PBRM1: variants seen among roughly 807,000 people sequenced by gnomAD.
PBRM1 encodes polybromo 1, also known as protein polybromo-1.
In PBRM1, 27 loss-of-function variants were observed where a neutral mutation model predicts 194.5. The observed-to-expected ratio is 0.14, with a 90% CI of 0.10 to 0.19. The LOEUF is 0.19. Among genes scored for constraint, PBRM1 ranks in the 10% least tolerant of loss-of-function variants. The probability of loss-of-function intolerance (pLI) is 1.00; values close to 1 mark genes in which losing one functional copy is unlikely to be tolerated. For synonymous variants in PBRM1, 655 were observed against 693.2 expected, an observed-to-expected ratio of 0.94 and a Z score of 0.87; for missense variants, 1,466 against 2,077.2, an observed-to-expected ratio of 0.71 and a Z score of 5.72.
At chr3:52,670,803 G>C (rs1005079081) in intron 2 of PBRM1, among the ~76,000 whole-genome samples, 2 of 152,334 alleles carry the variant, frequency 1.3e-5, no homozygotes, top group Non-Finnish European at 2.9e-5. Flanking sequence ...GCTGTAGTGT[G>C]CAAAGATGGT....
intron 13 of PBRM1, among the ~76,000 whole-genome samples, chr3:52,619,408 T>C (rs1386452937): frequency 6.6e-6 from 1 of 152,192 alleles, no homozygotes; most frequent in African/African-American, 2.4e-5. Flanking sequence ...ACCTAATACA[T>C]TAAAAATGCT....
intron 4 of PBRM1, among the ~76,000 whole-genome samples, chr3:52,659,244 A>C (rs2096668855): frequency 6.6e-6 from 1 of 152,206 alleles, no homozygotes; most frequent in African/African-American, 2.4e-5. Context: ...CCAAGTCTGA[A>C]GCAAGTTTCT....
intron 2 of PBRM1, among the ~76,000 whole-genome samples, chr3:52,670,047 C>T (rs565923953): frequency 1.5e-3 from 197 of 132,688 alleles, no homozygotes; most frequent in Admixed American, 4.8e-3. Context: ...TGGTCCTCTC[C>T]ATCTGGGCCT....
chr3:52,638,762 A>ATTTTTC lies in PBRM1; in HGVS notation c.1087+3186_1087+3191dup, dbSNP rs1294508340. Among the ~76,000 whole-genome samples the ATTTTTC allele has an allele frequency of 2.2e-3, 335 of 151,178 alleles. 1 individual carries two copies. The highest frequency in any genetic ancestry group is 7.5e-3 in the African/African-American group (310 of 41,074). On this transcript the variant is annotated intron_variant, in intron 10 of 29. Coordinates refer to ENST00000296302, the Ensembl canonical transcript of PBRM1. ...ACATGCACCACACCACGCCCGGCTA[A>ATTTTTC]TTTTTCTTTTTCTTTTTGCAGAGAT...
chr3:52,642,905 G>T (rs1433117711), intron 9 of PBRM1, among the ~76,000 whole-genome samples: 3 of 151,482 alleles, frequency 2.0e-5, no homozygotes, highest in Non-Finnish European at 4.4e-5. Flanking sequence ...TCCTGCCTCA[G>T]CCTCCCAAGT....
chr3:52,577,120 C>A (rs2089849086), intron 21 of PBRM1, among the ~76,000 whole-genome samples: 1 of 152,136 alleles, frequency 6.6e-6, no homozygotes, highest in Non-Finnish European at 1.5e-5. Context: ...GGTTTATAAT[C>A]TTTTTGAAGG....
chr3:52,671,326 T>C (rs1211130288), intron 2 of PBRM1, among the ~76,000 whole-genome samples: 1 of 152,220 alleles, frequency 6.6e-6, no homozygotes, highest in East Asian at 1.9e-4. Flanking sequence ...AAAGGCACCA[T>C]TATCTTCGAG....
intron 2 of PBRM1, among the ~76,000 whole-genome samples, chr3:52,673,080 C>T (rs189377388): frequency 1.7e-4 from 25 of 151,006 alleles, no homozygotes; most frequent in South Asian, 6.3e-4. Context: ...CTCCGCCTCC[C>T]GGGTTCAAGC....
intron 13 of PBRM1, among the ~76,000 whole-genome samples, chr3:52,618,160 T>C (rs953007759): frequency 2.0e-5 from 3 of 152,196 alleles, no homozygotes; most frequent in Non-Finnish European, 4.4e-5. Context: ...CAACCTACTT[T>C]AAAGAATAAG....
At chr3:52,570,415 A>G (rs2086671465) in intron 22 of PBRM1, among the ~76,000 whole-genome samples, 1 of 152,264 alleles carries the variant, frequency 6.6e-6, no homozygotes, top group Non-Finnish European at 1.5e-5. Context: ...TTGAACTTAC[A>G]CAGCACTTTT....
chr3:52,672,128 G>A (rs762512532), intron 2 of PBRM1, among the ~76,000 whole-genome samples: 34 of 152,290 alleles, frequency 2.2e-4, no homozygotes, highest in Non-Finnish European at 4.3e-4. Context: ...AGCATCTAGC[G>A]AAAAAGGTTT....
At chr3:52,649,364 C>G (rs568546383) in intron 6 of PBRM1, among the ~76,000 whole-genome samples, 1 of 152,206 alleles carries the variant, frequency 6.6e-6, no homozygotes, top group Admixed American at 6.5e-5. Context: ...ATGCTTGGGT[C>G]TAAAGGGATT....
chr3:52,639,096 T>G (rs1279375067), intron 10 of PBRM1, among the ~76,000 whole-genome samples: 1 of 151,648 alleles, frequency 6.6e-6, no homozygotes, highest in African/African-American at 2.4e-5. Context: ...GCAATTCTTC[T>G]GCCTCAGCCT....
At chr3:52,632,295 T>A (rs1475474963) in intron 11 of PBRM1, among the ~76,000 whole-genome samples, 1 of 152,128 alleles carries the variant, frequency 6.6e-6, no homozygotes, top group Non-Finnish European at 1.5e-5. Context: ...CAGAAGAGAT[T>A]TTAAAAGGCC....
chr3:52,561,743 CAG>C (rs1260662802), intron 25 of PBRM1, 22 bp downstream of exon 27: 1 of 1,603,728 alleles, frequency 6.2e-7, no homozygotes, highest in Non-Finnish European at 8.5e-7. Context: ...CTTCGAAAGA[CAG>C]TTGTGCCTAG....
chr3:52,552,552 T>A (rs2081239008), intron 27 of PBRM1, among the ~76,000 whole-genome samples: 3 of 152,162 alleles, frequency 2.0e-5, no homozygotes, highest in African/African-American at 2.4e-5. Flanking sequence ...AGTGCTGGGA[T>A]TACAGGATTG....
chr3:52,595,654 T>C (rs1188499496), intron 17 of PBRM1, among the ~76,000 whole-genome samples: 1 of 152,232 alleles, frequency 6.6e-6, no homozygotes, highest in Non-Finnish European at 1.5e-5. Context: ...TCCTCTGCTG[T>C]GCAGAGGCTT....
At chr3:52,637,362 T>C (rs1477061970) in intron 10 of PBRM1, among the ~76,000 whole-genome samples, 1 of 152,152 alleles carries the variant, frequency 6.6e-6, no homozygotes, top group Non-Finnish European at 1.5e-5. Flanking sequence ...GTGGGCACTG[T>C]GGCTCACACA....
chr3:52,595,702 T>C (rs1161738086), intron 17 of PBRM1, among the ~76,000 whole-genome samples: 2 of 152,222 alleles, frequency 1.3e-5, no homozygotes, highest in East Asian at 3.8e-4. Flanking sequence ...ACTTTTGCTT[T>C]GGTTGCCTGT....
Sources: allele counts gnomAD v4.1 joint callset (sites outside exome capture counted in the v4.1 genomes callset), GRCh38; gene constraint gnomAD v4.1.1; transcripts MANE v1.5; gene names NCBI Gene and HGNC (gene_info 2026-07-23, HGNC 2026-07-21).